BSN: variants seen among roughly 807,000 people sequenced by gnomAD.
BSN encodes the protein protein bassoon.
Under a neutral mutation model 264.8 loss-of-function variants are expected in BSN, and 57 were observed. The observed-to-expected ratio is 0.22, with a 90% CI of 0.17 to 0.27. The LOEUF is 0.27. Among genes scored for constraint, BSN ranks in the 10% least tolerant of loss-of-function variants. The pLI, the probability that BSN is intolerant of heterozygous loss-of-function variation, is 1.00. For missense variants in BSN, 4,615 were observed against 5,232.5 expected (o/e 0.88, Z 3.64); for synonymous variants, 2,059 against 2,137.3 (o/e 0.96, Z 1.01).
rs1323976514 is a variant in BSN at position 49,654,212 on chromosome 3, A to G, written c.4656A>G (p.Gln1552=). 6.2e-7 allele frequency: 1 copy of G among 1,613,744 alleles called. No individual in the cohort carries two copies. Among genetic ancestry groups the G allele is most frequent in the Non-Finnish European group, 8.5e-7 (1 of 1,179,962 alleles). Residue 1552 remains glutamine, a synonymous_variant, in exon 5 of 12, where the codon CAA becomes CAG. Coordinates refer to ENST00000296452, the MANE Select transcript of BSN (RefSeq NM_003458.4). This position sits in a 1 kb window ranked among gnomAD's most constrained non-coding sequence, Gnocchi z 4.1. ...GCCTGGTGTGGCAGGAGTCCTCTCA[A>G]GAGGCTCCCTTTATGGTCATCACGC... ...TPRLVWQESS[Q]EAPFMVITLA...
chr3:49,581,550 G>A (rs897837917), intron 1 of BSN, among the ~76,000 whole-genome samples: 1 of 152,168 alleles, frequency 6.6e-6, no homozygotes, highest in African/African-American at 2.4e-5. Context: ...ACAAGGCTGG[G>A]CATGGTGGCT....
chr3:49,663,886 G>C lies in BSN; in HGVS notation c.11608G>C (p.Gly3870Arg). The C allele has an allele frequency of 6.2e-7, 1 of 1,613,766 alleles. No homozygotes were observed. Among genetic ancestry groups the C allele is most frequent in the Non-Finnish European group, 8.5e-7 (1 of 1,179,890 alleles). The change falls in exon 8 of 12, where the codon GGT becomes CGT. Residue 3870 changes from glycine (G) to arginine (R), a missense_variant and splice_region_variant. Coordinates refer to ENST00000296452, the MANE Select transcript of BSN (RefSeq NM_003458.4). ...GCCAGCACCAGGACCTGGACCTGCA[G>C]GTGAGCCTATCCTTTGACACCCTTG... ...AQPAPGPGPA[G>R]VKAGARPGGT... is the part of the protein sequence containing the mutation.
chr3:49,587,404 T>C (rs1208465331), intron 1 of BSN, among the ~76,000 whole-genome samples: 1 of 152,226 alleles, frequency 6.6e-6, no homozygotes, highest in Non-Finnish European at 1.5e-5. Flanking sequence ...CCTTTATATC[T>C]TTCTCTTGTC....
At position 49,642,489 on chromosome 3, in the gene BSN, C is replaced by G. The variant is rs1410285787; in HGVS notation, c.855C>G (p.Thr285=). The G allele has an allele frequency of 2.1e-5, 33 of 1,575,936 alleles. No homozygotes were observed. The highest frequency in any genetic ancestry group is 2.8e-5 in the Non-Finnish European group (32 of 1,162,118). Residue 285 remains threonine, a synonymous_variant, in exon 3 of 12, where the codon ACC becomes ACG. Coordinates refer to ENST00000296452, the MANE Select transcript of BSN (RefSeq NM_003458.4). The surrounding 1 kb of genome is among the most constrained non-coding windows in gnomAD (Gnocchi z 7.0). Reference sequence around the variant, plus strand: ...GCCAGGCTGAGACAGCCAGGGCCACCTCAGTGCCGGGGCCTGCCCAAGCAG... The same window carrying G: ...GCCAGGCTGAGACAGCCAGGGCCACGTCAGTGCCGGGGCCTGCCCAAGCAG... The part of the protein sequence containing the change: ...GSRQAETARA[T]SVPGPAQAAA...
chr3:49,650,616 C>T lies in BSN; in HGVS notation c.1523C>T (p.Thr508Ile), dbSNP rs2052533071. 1 of 1,589,468 alleles carries T rather than the reference C, an allele frequency of 6.3e-7. No homozygotes were observed. Among genetic ancestry groups the T allele is most frequent in the Middle Eastern group, 1.7e-4 (1 of 5,984 alleles). The change falls in exon 4 of 12, where the codon ACA becomes ATA. Residue 508 changes from threonine (T) to isoleucine (I), a missense_variant. Transcript: ENST00000296452. ...CCCTCTCCCATTTCCTTGCAGAAAACAGAGTGGCTCTGTCTGAACTGCCAA... is the reference window on the plus strand; with the variant it reads ...CCCTCTCCCATTTCCTTGCAGAAAATAGAGTGGCTCTGTCTGAACTGCCAA... ...FNPTPHLVEK[T>I]EWLCLNCQTK...
At chr3:49,603,371 A>G (rs2052086806) in intron 1 of BSN, among the ~76,000 whole-genome samples, 1 of 152,202 alleles carries the variant, frequency 6.6e-6, no homozygotes, top group African/African-American at 2.4e-5. Context: ...AGATGTCACC[A>G]GCCTTGCCCA....
At chr3:49,558,102 C>G (rs989392579) in intron 1 of BSN, among the ~76,000 whole-genome samples, 5 of 152,112 alleles carry the variant, frequency 3.3e-5, no homozygotes, top group African/African-American at 4.8e-5. Flanking sequence ...TGAGAAATGT[C>G]AAATAAGCAG....
intron 1 of BSN, among the ~76,000 whole-genome samples, chr3:49,558,843 C>T (rs948186733): frequency 6.6e-6 from 1 of 152,162 alleles, no homozygotes; most frequent in Non-Finnish European, 1.5e-5. Flanking sequence ...CTCACAGCAT[C>T]ATTAAGACTA....
chr3:49,672,781 C>CT (rs757536435), downstream of BSN, among the ~76,000 whole-genome samples: 493 of 106,990 alleles, frequency 4.6e-3, 4 homozygotes, highest in East Asian at 9.0e-3. Flanking sequence ...GCGCCTGGCA[C>CT]TTTTTTTTTT....
Position 49,632,802 on chromosome 3 carries a change from G to T in BSN, c.633+7419G>T, listed in dbSNP as rs191670331. Among the ~76,000 whole-genome samples, 20 of 151,806 alleles carry T rather than the reference G, an allele frequency of 1.3e-4. No individual in the cohort carries two copies. The East Asian group carries it at 2.3e-3, about 18-fold the overall frequency. Reference sequence around the variant, plus strand: ...GCCAGACTGTGTCTAAAAAAAAAGTGGGGGGGAGCAAAGAGGAGTCAGGTG... The same window carrying T: ...GCCAGACTGTGTCTAAAAAAAAAGTTGGGGGGAGCAAAGAGGAGTCAGGTG... On this transcript the variant is annotated intron_variant, in intron 2 of 11. Coordinates refer to ENST00000296452, the MANE Select transcript of BSN (RefSeq NM_003458.4).
At chr3:49,566,799 A>G (rs2051755229) in intron 1 of BSN, among the ~76,000 whole-genome samples, 1 of 151,556 alleles carries the variant, frequency 6.6e-6, no homozygotes, top group Non-Finnish European at 1.5e-5. Context: ...AAAAAAAAAA[A>G]AAAAAAAAAA....
chr3:49,597,894 T>C (rs1392362419), intron 1 of BSN, among the ~76,000 whole-genome samples: 2 of 151,752 alleles, frequency 1.3e-5, no homozygotes, highest in African/African-American at 2.4e-5. Flanking sequence ...CCACCTGCCT[T>C]GGCCTCCCAA....
rs201337221 is a variant in BSN at position 49,652,212 on chromosome 3, A to G, written c.2656A>G (p.Ser886Gly). 25 of 1,613,144 alleles carry G rather than the reference A, an allele frequency of 1.5e-5. No homozygotes were observed. In the Middle Eastern group the frequency reaches 5.0e-4, roughly 32 times the overall value. ...KGGPRPRPEP[S>G]QEPAALPKRR... Reference sequence around the variant, plus strand: ...TGGCCCCAGACCCAGGCCTGAGCCTAGCCAAGAACCAGCAGCACTGCCCAA... The same window carrying G: ...TGGCCCCAGACCCAGGCCTGAGCCTGGCCAAGAACCAGCAGCACTGCCCAA... Residue 886 changes from serine (S) to glycine (G), a missense_variant, in exon 5 of 12, where the codon AGC becomes GGC. By Grantham distance (56) the Ser-to-Gly change is moderately conservative (BLOSUM62 0). Coordinates refer to ENST00000296452, the MANE Select transcript of BSN (RefSeq NM_003458.4).
intron 1 of BSN, among the ~76,000 whole-genome samples, chr3:49,605,524 A>ATATATTT (rs1491484096): frequency 4.6e-4 from 2 of 4,394 alleles, no homozygotes; most frequent in Admixed American, 4.6e-3. Context: ...ATATATATAT[A>ATATATTT]ATATATAATA....
At chr3:49,644,341 T>C (rs2052490072) in intron 3 of BSN, among the ~76,000 whole-genome samples, 1 of 152,178 alleles carries the variant, frequency 6.6e-6, no homozygotes, top group South Asian at 2.1e-4. Flanking sequence ...GATGTTGCCA[T>C]GGCCTCTGTG....
At chr3:49,568,171 A>G (rs1212130749) in intron 1 of BSN, among the ~76,000 whole-genome samples, 1 of 152,238 alleles carries the variant, frequency 6.6e-6, no homozygotes, top group Non-Finnish European at 1.5e-5. Flanking sequence ...CTGTCAGTAC[A>G]TGTGGGACTG....
chr3:49,660,427 AC>A lies in BSN; in HGVS notation c.8641-55del. 6.6e-7 allele frequency: 1 copy of A among 1,508,802 alleles called. No individual in the cohort carries two copies. Among genetic ancestry groups the A allele is most frequent in the East Asian group, 2.3e-5 (1 of 43,734 alleles). The allele number at this position is 1,508,802 out of a possible 1,614,324, so 93.5% of individuals were successfully genotyped here. On this transcript the variant is annotated intron_variant, in intron 5 of 11. Coordinates refer to ENST00000296452, the MANE Select transcript of BSN (RefSeq NM_003458.4). The surrounding 1 kb of genome is among the most constrained non-coding windows in gnomAD (Gnocchi z 7.1). The stretch of plus-strand genomic sequence containing the variant: ...CCAGGCCTGGGTTCTGCCACCCCAC[AC>A]CCCATCAAGTCACCACACCTTGGGT...
chr3:49,664,357 T>G, intron 8 of BSN, 66 bp from the exon 9 acceptor site: 1 of 1,607,744 alleles, frequency 6.2e-7, no homozygotes, highest in African/African-American at 1.3e-5. Flanking sequence ...TCGTGGGTAC[T>G]TGCCCTCTTA....
In BSN at chr3:49,667,749, C is replaced by T. The variant is rs755581506; in HGVS notation, c.*264C>T. ...GCCAGGGGACCTTTGATTGTCTTTC[C>T]AGAGATGCTGCTCTCTGCAGGGCAC... is the stretch of plus-strand genomic sequence containing the variant. On this transcript the variant is annotated 3_prime_UTR_variant, in exon 12 of 12. Transcript: ENST00000296452. 2.0e-5 allele frequency: 3 copies of T among 152,578 alleles called. No homozygotes were observed. Among genetic ancestry groups the T allele is most frequent in the Non-Finnish European group, 2.9e-5 (2 of 68,042 alleles). 9.5% of individuals were successfully genotyped at this position (152,578 alleles called of 1,614,324 possible).
Sources: allele counts gnomAD v4.1 joint callset (sites outside exome capture counted in the v4.1 genomes callset), GRCh38; gene constraint gnomAD v4.1.1; non-coding constraint Gnocchi (gnomAD v3.1); transcripts MANE v1.5; gene names NCBI Gene and HGNC (gene_info 2026-07-23, HGNC 2026-07-21).